NRG3: variants seen among roughly 807,000 people sequenced by gnomAD.
The protein encoded by NRG3 is neuregulin 3.
In NRG3, 31 loss-of-function variants were observed where a neutral mutation model predicts 66.9. That is an observed-to-expected ratio of 0.46 (90% CI 0.35 to 0.63). The LOEUF (loss-of-function observed/expected upper bound fraction) is 0.63, where lower values mean the gene tolerates loss of function less well. Among genes scored for constraint, NRG3 ranks in the 20% least tolerant of loss-of-function variants. The pLI, the probability that NRG3 is intolerant of heterozygous loss-of-function variation, is 0.00. For synonymous variants in NRG3, 393 were observed against 359.4 expected, an observed-to-expected ratio of 1.09 and a Z score of -1.06; for missense variants, 910 against 878.9, an observed-to-expected ratio of 1.04 and a Z score of -0.45.
chr10:82,881,546 A>G (rs953746496), intron 4 of NRG3, among the ~76,000 whole-genome samples: 2 of 152,176 alleles, frequency 1.3e-5, no homozygotes, highest in African/African-American at 4.8e-5. Context: ...AAGTGATTCA[A>G]TGATTCTGCT....
At chr10:81,911,603 G>GTTTTTT (rs796518872) in intron 1 of NRG3, among the ~76,000 whole-genome samples, 12 of 77,962 alleles carry the variant, frequency 1.5e-4, no homozygotes, top group Non-Finnish European at 2.4e-4. Flanking sequence ...GCACAGACTT[G>GTTTTTT]TTTTTTTTTT....
intron 1 of NRG3, among the ~76,000 whole-genome samples, chr10:82,195,450 C>T (rs1564651793): frequency 6.6e-6 from 1 of 152,100 alleles, no homozygotes; most frequent in African/African-American, 2.4e-5. Flanking sequence ...CTATCAGCAC[C>T]AACTCCACAG....
chr10:82,798,914 G>A (rs2060912348), intron 3 of NRG3, among the ~76,000 whole-genome samples: 3 of 152,154 alleles, frequency 2.0e-5, no homozygotes, highest in Admixed American at 6.5e-5. Flanking sequence ...CTGGGCTGGA[G>A]TCAGTTGGAA....
chr10:82,578,550 G>A (rs1288976307), intron 2 of NRG3, among the ~76,000 whole-genome samples: 3 of 151,584 alleles, frequency 2.0e-5, no homozygotes, highest in East Asian at 3.9e-4. Context: ...GGTAAAGGTA[G>A]TATTATTCAT....
Position 82,405,264 on chromosome 10 carries a change from C to A in NRG3, c.953+46396C>A, listed in dbSNP as rs190774083. Among the ~76,000 whole-genome samples, 14 of 152,120 alleles carry A rather than the reference C, an allele frequency of 9.2e-5. No homozygotes were observed. The East Asian group carries it at 2.7e-3, about 30-fold the overall frequency. On this transcript the variant is annotated intron_variant, in intron 2 of 8. Transcript: ENST00000372141. ...GATGTGTGCATACCAGGGGCAAGCG[C>A]ATCTAAGGGAGAGCAGCCCTTGCAA... is the stretch of plus-strand genomic sequence containing the variant.
chr10:81,881,836 A>G (rs951628978), intron 1 of NRG3, among the ~76,000 whole-genome samples: 3 of 151,612 alleles, frequency 2.0e-5, no homozygotes, highest in East Asian at 3.9e-4. Flanking sequence ...ACCTGTAACT[A>G]TCAGCTTTTT....
chr10:82,233,416 G>A (rs753031927), intron 1 of NRG3, among the ~76,000 whole-genome samples: 1 of 152,098 alleles, frequency 6.6e-6, no homozygotes, highest in African/African-American at 2.4e-5. Context: ...TCAAGCAAAG[G>A]TGATCTCTTC....
intron 1 of NRG3, among the ~76,000 whole-genome samples, chr10:82,303,212 T>C (rs1441350825): frequency 1.3e-5 from 2 of 152,182 alleles, no homozygotes; most frequent in Admixed American, 1.3e-4. Flanking sequence ...ATTAAAATAG[T>C]TCAGTAGTTC....
rs1158277092 is a variant in NRG3 at position 82,133,403 on chromosome 10, C to A, written c.824-225336C>A. ...AATAGTTATATTTTCTGTTCGTCTC[C>A]CTCCTGCCACCCTGCACCCTCAAGT... On this transcript the variant is annotated intron_variant, in intron 1 of 8. Coordinates refer to ENST00000372141, the MANE Select transcript of NRG3 (RefSeq NM_001010848.4). 4.6e-5 allele frequency among the ~76,000 whole-genome samples: 7 copies of A among 152,232 alleles called. No individual in the cohort carries two copies. The East Asian group carries it at 1.2e-3, about 25-fold the overall frequency.
At chr10:81,937,835 G>T (rs1434606499) in intron 1 of NRG3, among the ~76,000 whole-genome samples, 2 of 152,012 alleles carry the variant, frequency 1.3e-5, no homozygotes, top group Non-Finnish European at 2.9e-5. Flanking sequence ...ATGTTATAAA[G>T]CTTCTCCCCT....
intron 4 of NRG3, among the ~76,000 whole-genome samples, chr10:82,949,878 A>C (rs1592063221): frequency 6.6e-6 from 1 of 152,188 alleles, no homozygotes; most frequent in East Asian, 1.9e-4. Context: ...AAACCAAAAA[A>C]AAAACCAAAA....
intron 1 of NRG3, among the ~76,000 whole-genome samples, chr10:81,974,238 G>A (rs2060034042): frequency 6.6e-6 from 1 of 152,028 alleles, no homozygotes; most frequent in South Asian, 2.1e-4. Flanking sequence ...TCTTATTTCT[G>A]GCTTCTCTAT....
intron 2 of NRG3, among the ~76,000 whole-genome samples, chr10:82,579,443 T>A (rs552517255): frequency 2.0e-5 from 3 of 152,130 alleles, no homozygotes; most frequent in African/African-American, 2.4e-5. Flanking sequence ...TTCTTTCTAA[T>A]GTTTGGGCAC....
intron 6 of NRG3, among the ~76,000 whole-genome samples, chr10:82,970,351 T>C (rs1032385413): frequency 6.6e-6 from 1 of 152,130 alleles, no homozygotes; most frequent in Non-Finnish European, 1.5e-5. Flanking sequence ...CAGCCTGGAG[T>C]GCAATAGCTA....
At chr10:82,403,063 G>A (rs2087226347) in intron 2 of NRG3, among the ~76,000 whole-genome samples, 1 of 152,132 alleles carries the variant, frequency 6.6e-6, no homozygotes, top group Admixed American at 6.6e-5. Context: ...AATGAGTAAT[G>A]TACAACCACA....
At chr10:82,484,194 A>T (rs1842500348) in intron 2 of NRG3, among the ~76,000 whole-genome samples, 2 of 152,204 alleles carry the variant, frequency 1.3e-5, no homozygotes, top group Non-Finnish European at 2.9e-5. Context: ...GAATGAGCCA[A>T]ATCCCTGTTT....
chr10:82,178,590 T>C (rs979597292), intron 1 of NRG3, among the ~76,000 whole-genome samples: 1 of 152,192 alleles, frequency 6.6e-6, no homozygotes, highest in Non-Finnish European at 1.5e-5. Context: ...TATTTTATTG[T>C]ATGTATTTAC....
chr10:82,769,731 T>C (rs1279328983), intron 3 of NRG3, among the ~76,000 whole-genome samples: 3 of 152,138 alleles, frequency 2.0e-5, no homozygotes, highest in Non-Finnish European at 4.4e-5. Flanking sequence ...AAGCCTTTCT[T>C]TTCTCCTAAG....
intron 1 of NRG3, among the ~76,000 whole-genome samples, chr10:81,951,135 T>G: frequency 6.6e-6 from 1 of 152,080 alleles, no homozygotes; most frequent in Non-Finnish European, 1.5e-5. Context: ...AATTTTCCCT[T>G]AAGTCAACGT....
Sources: gnomAD v4.1 joint callset for allele counts (sites outside exome capture counted in the v4.1 genomes callset) on GRCh38, gnomAD v4.1.1 for gene constraint, MANE v1.5 for transcripts, NCBI Gene and HGNC (gene_info 2026-07-23, HGNC 2026-07-21) for gene names.